Variants in FXYD2 observed in about 807,000 individuals in gnomAD.
The protein encoded by FXYD2 is sodium/potassium-transporting ATPase subunit gamma.
Under a neutral mutation model 11.8 loss-of-function variants are expected in FXYD2, and 8 were observed. That is an observed-to-expected ratio of 0.68 (90% CI 0.40 to 1.22). The LOEUF is 1.22. Ranked by LOEUF, FXYD2 falls within the 50% of genes most tolerant of loss-of-function variation. The pLI is 0.01. For missense variants in FXYD2, 92 were observed against 91.8 expected (o/e 1.00, Z -0.01); for synonymous variants, 42 against 33.3 (o/e 1.26, Z -0.90).
At chr11:117,821,034 T>G in intron 3 of FXYD2, 139 bp from the exon 4 acceptor site, 2 of 993,406 alleles carry the variant, frequency 2.0e-6, no homozygotes, top group Non-Finnish European at 3.0e-6. Flanking sequence ...CACGTTTGAC[T>G]GTCTCTATTT....
Position 117,822,515 on chromosome 11 carries a change from T to C in FXYD2, c.65-35A>G. The C allele has an allele frequency of 6.4e-7, 1 of 1,555,958 alleles. No individual in the cohort carries two copies. The highest frequency in any genetic ancestry group is 8.7e-7 in the Non-Finnish European group (1 of 1,149,174). ...GAGAGGGCAAGAGGAGCGGGATGGG[T>C]GGTCTCTCCCAGCAGCTGTCTCTCT... On this transcript the variant is annotated intron_variant, in intron 2 of 5. Coordinates refer to ENST00000292079, the MANE Select transcript of FXYD2 (RefSeq NM_001680.5). The surrounding 1 kb of genome is among the most constrained non-coding windows in gnomAD (Gnocchi z 4.7).
chr11:117,826,786 A>G (rs12798789), upstream of FXYD2, among the ~76,000 whole-genome samples: 12,354 of 70,610 alleles, frequency 0.17, 611 homozygotes, highest in East Asian at 0.27. Context: ...CTGTCTATCT[A>G]TCTATCTATC....
intron 1 of FXYD2, among the ~76,000 whole-genome samples, chr11:117,823,024 G>C (rs560526966): frequency 6.6e-6 from 1 of 152,154 alleles, no homozygotes; most frequent in South Asian, 2.1e-4. Flanking sequence ...GGTAGAAAAG[G>C]CCAGGAGAAG....
upstream of FXYD2, among the ~76,000 whole-genome samples, chr11:117,825,381 T>C (rs1045133349): frequency 1.3e-5 from 2 of 152,240 alleles, no homozygotes; most frequent in Admixed American, 6.5e-5. Context: ...GCCCTGGCAC[T>C]TCCTCCTACC....
rs12279985 is a variant in FXYD2, at chr11:117,824,688, T to C, written c.-10A>G. 4.7e-3 allele frequency: 7,626 copies of C among 1,613,782 alleles called. 301 individuals are homozygous for C. The African/African-American group carries it at 0.09, about 19-fold the overall frequency. On this transcript the variant is annotated 5_prime_UTR_variant, in exon 1 of 6. Coordinates refer to ENST00000292079, the MANE Select transcript of FXYD2 (RefSeq NM_001680.5). The surrounding 1 kb of genome is among the most constrained non-coding windows in gnomAD (Gnocchi z 4.0). ...TCGACAACCCAGTCATTTCCCCAGG[T>C]GAATGGGCTGCCTCCACTCCCCTCT...
chr11:117,824,896 G>A (rs183999922), upstream of FXYD2, among the ~76,000 whole-genome samples: 1 of 152,378 alleles, frequency 6.6e-6, no homozygotes, highest in African/African-American at 2.4e-5. The surrounding 1 kb of genome is among the most constrained non-coding windows in gnomAD (Gnocchi z 4.0). Context: ...CAGGGGCAGG[G>A]AGGAGCTGGC....
At position 117,824,623 on chromosome 11, in the gene FXYD2, C is replaced by T; in HGVS notation, c.25+31G>A. 6.3e-7 allele frequency: 1 copy of T among 1,591,422 alleles called. No homozygotes were observed. The stretch of plus-strand genomic sequence containing the variant: ...CCAATCAGAGCCACCCAGCATTGCA[C>T]ACGCCCGGGCACGCACACCAGCACA... On this transcript the variant is annotated intron_variant, in intron 1 of 5. Coordinates refer to ENST00000292079, the MANE Select transcript of FXYD2 (RefSeq NM_001680.5). The surrounding 1 kb of genome is among the most constrained non-coding windows in gnomAD (Gnocchi z 4.0).
In FXYD2 at chr11:117,821,981, G is replaced by A. The variant is rs562279401; in HGVS notation, c.139+425C>T. The A allele has an allele frequency of 7.3e-4, 815 of 1,109,952 alleles. 2 individuals are homozygous for A. Among genetic ancestry groups the A allele is most frequent in the Admixed American group, 3.7e-3 (84 of 22,466 alleles). The allele number at this position is 1,109,952 out of a possible 1,614,324, so 68.8% of individuals were successfully genotyped here. A position where few individuals can be genotyped will look rare whatever the true frequency, so the allele number is the denominator to read the frequency against. ...CTCTTTGTCTCCCCCAGAACACTCC[G>A]AGTCTGCACTGGACCGTTCTCAGAG... On this transcript the variant is annotated intron_variant, in intron 3 of 5. Transcript: ENST00000292079.
chr11:117,822,439 G>A lies in FXYD2; in HGVS notation c.106C>T (p.Leu36=). The stretch of plus-strand genomic sequence containing the variant: ...ATGAGGAGCCCCACGATGAAGGCCA[G>A]TCCAGCGAAGATCAGGCCCCCATTG... The part of the protein sequence containing the change: ...VRNGGLIFAG[L]AFIVGLLILL... Residue 36 remains leucine (L), a synonymous_variant, in exon 3 of 6, where the codon CTG becomes TTG. Transcript: ENST00000292079. The surrounding 1 kb of genome is among the most constrained non-coding windows in gnomAD (Gnocchi z 4.7). 6.4e-7 allele frequency: 1 copy of A among 1,563,158 alleles called. No individual in the cohort carries two copies. The highest frequency in any genetic ancestry group is 8.7e-7 in the Non-Finnish European group (1 of 1,152,854).
upstream of FXYD2, among the ~76,000 whole-genome samples, chr11:117,826,782 A>ATCTG (rs1343899155): frequency 1.4e-3 from 101 of 71,784 alleles, no homozygotes; most frequent in South Asian, 3.5e-3. Flanking sequence ...CTGTCTGTCT[A>ATCTG]TCTATCTATC....
rs763375923 is a variant in FXYD2 at position 117,822,754 on chromosome 11, C to T, written c.26-37G>A. The T allele has an allele frequency of 9.4e-6, 15 of 1,598,796 alleles. No homozygotes were observed. Among genetic ancestry groups the T allele is most frequent in the South Asian group, 2.3e-5 (2 of 88,340 alleles). On this transcript the variant is annotated intron_variant, in intron 1 of 5. Transcript: ENST00000292079. This position sits in a 1 kb window ranked among gnomAD's most constrained non-coding sequence, Gnocchi z 4.7. ...CCAGAGGTGGGATGAGAGGAGTCAC[C>T]GATGGTGAGCCAGCCACAGGAACAG...
upstream of FXYD2, among the ~76,000 whole-genome samples, chr11:117,824,988 G>A (rs2134106675): frequency 6.6e-6 from 1 of 152,296 alleles, no homozygotes; most frequent in East Asian, 1.9e-4. The surrounding 1 kb of genome is among the most constrained non-coding windows in gnomAD (Gnocchi z 4.0). Flanking sequence ...TGCCAGCTGG[G>A]GAAGCTACAG....
chr11:117,823,789 C>T (rs1487623369), intron 1 of FXYD2, among the ~76,000 whole-genome samples: 1 of 152,212 alleles, frequency 6.6e-6, no homozygotes, highest in East Asian at 1.9e-4. Flanking sequence ...CCAAACTGTG[C>T]CCCTGAGCAG....
chr11:117,821,458 G>A lies in FXYD2; in HGVS notation c.140-563C>T, dbSNP rs2055901818. On this transcript the variant is annotated intron_variant, in intron 3 of 5. Transcript: ENST00000292079. The stretch of plus-strand genomic sequence containing the variant: ...TACTGGAGCAGATCCACGGTGGTCT[G>A]TTGGCATATCGAGAGTAGCAGCAGA... 3 of 986,410 alleles carry A rather than the reference G, an allele frequency of 3.0e-6. No individual in the cohort carries two copies. The South Asian group carries it at 1.4e-4, about 46-fold the overall frequency. The allele number at this position is 986,410 out of a possible 1,614,324, so 61.1% of individuals were successfully genotyped here.
chr11:117,820,316 G>A lies in FXYD2; in HGVS notation c.*63C>T. 2.7e-6 allele frequency: 1 copy of A among 364,448 alleles called. No individual in the cohort carries two copies. 22.6% of individuals were successfully genotyped at this position (364,448 alleles called of 1,614,324 possible). A position where few individuals can be genotyped will look rare whatever the true frequency, so the allele number is the denominator to read the frequency against. On this transcript the variant is annotated 3_prime_UTR_variant, in exon 6 of 6. Transcript: ENST00000292079. ...CAGGGAAGAAGGGGAGGCGCCAGAG[G>A]CAGGGCCATGCTTGGCTTCCCAGCT...
chr11:117,827,270 A>G (rs11216566), upstream of FXYD2, among the ~76,000 whole-genome samples: 34,461 of 152,092 alleles, frequency 0.23, 4,961 homozygotes, highest in Admixed American at 0.33. Flanking sequence ...TTTTTTTAAG[A>G]CGGAGTTTCG....
chr11:117,827,781 C>A (rs539356413), upstream of FXYD2, among the ~76,000 whole-genome samples: 4 of 152,196 alleles, frequency 2.6e-5, no homozygotes, highest in Non-Finnish European at 5.9e-5. Flanking sequence ...TGGACAGCTG[C>A]CTTCCCAGCC....
chr11:117,828,009 T>A, upstream of FXYD2: 8 of 1,550,314 alleles, frequency 5.2e-6, no homozygotes, highest in Non-Finnish European at 7.0e-6. Context: ...GTACCACCTG[T>A]CCATGGCAGG....
In FXYD2 at chr11:117,824,519, G is replaced by T; in HGVS notation, c.25+135C>A. The T allele has an allele frequency of 1.3e-6, 1 of 757,400 alleles. No homozygotes were observed. Among genetic ancestry groups the T allele is most frequent in the Non-Finnish European group, 2.3e-6 (1 of 425,556 alleles). 46.9% of individuals were successfully genotyped at this position (757,400 alleles called of 1,614,324 possible). A position where few individuals can be genotyped will look rare whatever the true frequency, so the allele number is the denominator to read the frequency against. On this transcript the variant is annotated intron_variant, in intron 1 of 5. Transcript: ENST00000292079. This position sits in a 1 kb window ranked among gnomAD's most constrained non-coding sequence, Gnocchi z 4.0. The stretch of plus-strand genomic sequence containing the variant: ...ATTTTCTTAGAGAGGAGGCCGACAG[G>T]AAGAGGGGCTGGGTACTCTGGAAGG...
Sources: gnomAD v4.1 joint callset for allele counts (sites outside exome capture counted in the v4.1 genomes callset) on GRCh38, gnomAD v4.1.1 for gene constraint, Gnocchi (gnomAD v3.1) non-coding constraint, MANE v1.5 for transcripts, NCBI Gene and HGNC (gene_info 2026-07-23, HGNC 2026-07-21) for gene names.